The following PTPRR variants were observed in gnomAD, a reference collection of about 807,000 sequenced individuals.
The protein encoded by PTPRR is protein tyrosine phosphatase receptor type R.
A neutral mutation model predicts 77.2 loss-of-function variants in PTPRR; 38 were observed. The ratio of observed to expected loss-of-function variants is 0.49; its 90% CI spans 0.38 to 0.65. The LOEUF (loss-of-function observed/expected upper bound fraction) is 0.65. Ranked by LOEUF, PTPRR falls within the 30% of genes least tolerant of loss-of-function variation. The pLI, the probability that PTPRR is intolerant of heterozygous loss-of-function variation, is 0.00. For synonymous variants in PTPRR, 299 were observed against 283.1 expected, an observed-to-expected ratio of 1.06 and a Z score of -0.57; for missense variants, 744 against 799.2, an observed-to-expected ratio of 0.93 and a Z score of 0.83.
At chr12:70,712,300 C>G (rs1888854363) in intron 6 of PTPRR, among the ~76,000 whole-genome samples, 1 of 151,912 alleles carries the variant, frequency 6.6e-6, no homozygotes. Flanking sequence ...TATAAATACA[C>G]AATCATGTTA....
chr12:70,878,434 G>A lies in PTPRR; in HGVS notation c.357+14245C>T, dbSNP rs995123682. ...AAACAAACAACCCCATCAAAAAGGG[G>A]GCAAAGGATATGAACAGACACTTCT... On this transcript the variant is annotated intron_variant, in intron 2 of 13. Transcript: ENST00000283228. Among the ~76,000 whole-genome samples, 7 of 152,250 alleles carry A rather than the reference G, an allele frequency of 4.6e-5. No homozygotes were observed. In the East Asian group the frequency reaches 7.7e-4, roughly 17 times the overall value.
intron 2 of PTPRR, among the ~76,000 whole-genome samples, chr12:70,869,718 T>C (rs1186246474): frequency 2.0e-5 from 3 of 152,074 alleles, no homozygotes; most frequent in East Asian, 1.9e-4. Flanking sequence ...AGATGGGGCA[T>C]TGCTATAAGG....
At chr12:70,740,818 G>A (rs1420906250) in intron 6 of PTPRR, among the ~76,000 whole-genome samples, 1 of 152,056 alleles carries the variant, frequency 6.6e-6, no homozygotes, top group African/African-American at 2.4e-5. Flanking sequence ...GCAATAAGTA[G>A]AAGATTATTA....
chr12:70,658,108 C>T (rs917146751), intron 12 of PTPRR, among the ~76,000 whole-genome samples: 2 of 152,188 alleles, frequency 1.3e-5, no homozygotes, highest in African/African-American at 4.8e-5. Context: ...GACTAACTTT[C>T]AAGCCTTATG....
At chr12:70,656,464 G>A (rs1331328936) in intron 13 of PTPRR, among the ~76,000 whole-genome samples, 1 of 152,156 alleles carries the variant, frequency 6.6e-6, no homozygotes, top group Admixed American at 6.5e-5. Context: ...AGGAGTTTGA[G>A]GCTGCTGGGA....
At chr12:70,730,840 A>G (rs1408947944) in intron 6 of PTPRR, among the ~76,000 whole-genome samples, 1 of 148,226 alleles carries the variant, frequency 6.7e-6, no homozygotes, top group East Asian at 2.0e-4. Context: ...AGGAGAGAGA[A>G]TGAGAGAGAG....
At chr12:70,771,544 A>G (rs116402881) in intron 2 of PTPRR, among the ~76,000 whole-genome samples, 10,482 of 152,244 alleles carry the variant, frequency 0.069, 368 homozygotes, top group East Asian at 0.097. Context: ...CTGAATCTAA[A>G]ATAAAAGTTG....
chr12:70,829,896 T>C (rs1892181646), intron 2 of PTPRR, among the ~76,000 whole-genome samples: 1 of 152,212 alleles, frequency 6.6e-6, no homozygotes, highest in South Asian at 2.1e-4. Context: ...CTAAGAACAA[T>C]TTGGGATACA....
At chr12:70,829,327 C>G (rs990567454) in intron 2 of PTPRR, among the ~76,000 whole-genome samples, 19 of 152,044 alleles carry the variant, frequency 1.2e-4, no homozygotes, top group Admixed American at 1.1e-3. Flanking sequence ...GAAAAGCGGT[C>G]TACTTGAGGA....
chr12:70,794,456 T>G, intron 2 of PTPRR, among the ~76,000 whole-genome samples: 2 of 151,440 alleles, frequency 1.3e-5, no homozygotes, highest in African/African-American at 2.4e-5. Flanking sequence ...TAAACTGGAG[T>G]GAAATGGAGG....
intron 1 of PTPRR, among the ~76,000 whole-genome samples, chr12:70,899,466 A>C (rs1893492584): frequency 6.6e-6 from 1 of 151,448 alleles, no homozygotes; most frequent in Non-Finnish European, 1.5e-5. Flanking sequence ...CTAAAGAGGA[A>C]AAATAATAGT....
chr12:70,920,709 C>T lies in PTPRR; in HGVS notation c.-319G>A, dbSNP rs912322870. The T allele has an allele frequency of 7.7e-5, 25 of 325,516 alleles. No individual in the cohort carries two copies. Among genetic ancestry groups the T allele is most frequent in the Non-Finnish European group, 1.5e-4 (25 of 166,016 alleles). The allele number at this position is 325,516 out of a possible 1,614,324, so 20.2% of individuals were successfully genotyped here. A position where few individuals can be genotyped will look rare whatever the true frequency, so the allele number is the denominator to read the frequency against. ...GGTGGACTCCGCGCCAGCCCAGCAG[C>T]CCAGCAGCAGCGCCGCGGCTACTGA... On this transcript the variant is annotated 5_prime_UTR_variant, in exon 1 of 14. Coordinates refer to ENST00000283228, the MANE Select transcript of PTPRR (RefSeq NM_002849.4).
chr12:70,677,226 A>G (rs1464452953), intron 10 of PTPRR, among the ~76,000 whole-genome samples: 2 of 152,294 alleles, frequency 1.3e-5, no homozygotes, highest in East Asian at 1.9e-4. Context: ...CTAGCTCACC[A>G]TTAGCATATA....
At chr12:70,725,146 C>T (rs1352028984) in intron 6 of PTPRR, among the ~76,000 whole-genome samples, 1 of 152,012 alleles carries the variant, frequency 6.6e-6, no homozygotes, top group African/African-American at 2.4e-5. Flanking sequence ...AGAGACAGGG[C>T]TGGGAGACAT....
intron 2 of PTPRR, among the ~76,000 whole-genome samples, chr12:70,839,711 T>C (rs1308601163): frequency 1.3e-5 from 2 of 152,172 alleles, no homozygotes; most frequent in Non-Finnish European, 2.9e-5. Flanking sequence ...CTGGCTATTG[T>C]GTGCTTCTGG....
At chr12:70,646,799 T>C (rs1886215960) in intron 13 of PTPRR, among the ~76,000 whole-genome samples, 1 of 152,168 alleles carries the variant, frequency 6.6e-6, no homozygotes, top group African/African-American at 2.4e-5. Flanking sequence ...AAATGTAAGG[T>C]TACAGTTGAT....
intron 5 of PTPRR, 110 bp downstream of exon 5, chr12:70,754,081 G>T: frequency 2.0e-6 from 2 of 1,008,474 alleles, no homozygotes; most frequent in South Asian, 1.7e-5. Context: ...CAGGATCATA[G>T]TCTTCCTTCT....
intron 2 of PTPRR, among the ~76,000 whole-genome samples, chr12:70,787,711 G>A (rs908970914): frequency 3.9e-5 from 6 of 152,088 alleles, no homozygotes; most frequent in Non-Finnish European, 8.8e-5. Context: ...ATCAAATCTG[G>A]CAGCCCTATA....
At chr12:70,643,712 T>C (rs572599543) in intron 13 of PTPRR, among the ~76,000 whole-genome samples, 3 of 152,268 alleles carry the variant, frequency 2.0e-5, no homozygotes, top group South Asian at 2.1e-4. Context: ...ATTACTGATA[T>C]AAAGTTCCCA....
Sources: gnomAD v4.1 joint callset for allele counts (sites outside exome capture counted in the v4.1 genomes callset) on GRCh38, gnomAD v4.1.1 for gene constraint, MANE v1.5 for transcripts, NCBI Gene and HGNC (gene_info 2026-07-23, HGNC 2026-07-21) for gene names.